STAC: variants seen among roughly 807,000 people sequenced by gnomAD.
STAC encodes SH3 and cysteine-rich domain-containing protein.
Under a neutral mutation model 48.8 loss-of-function variants are expected in STAC, and 43 were observed. That is an observed-to-expected ratio of 0.88 (90% CI 0.69 to 1.14). The LOEUF (loss-of-function observed/expected upper bound fraction) is 1.14, where lower values mean the gene tolerates loss of function less well. STAC is among the 50% of genes most tolerant of loss of function. The probability of loss-of-function intolerance (pLI) is 0.00; values close to 1 mark genes in which losing one functional copy is unlikely to be tolerated. For synonymous variants in STAC, 193 were observed against 179.5 expected, an observed-to-expected ratio of 1.07 and a Z score of -0.60; for missense variants, 497 against 504.0, an observed-to-expected ratio of 0.99 and a Z score of 0.13.
At chr3:36,448,847 G>T (rs1696594372) in intron 2 of STAC, among the ~76,000 whole-genome samples, 1 of 151,592 alleles carries the variant, frequency 6.6e-6, no homozygotes, top group Non-Finnish European at 1.5e-5. Context: ...GAAGGGTAAG[G>T]TAAGAGGATA....
At chr3:36,399,250 G>C (rs1681957654) in intron 1 of STAC, among the ~76,000 whole-genome samples, 1 of 152,192 alleles carries the variant, frequency 6.6e-6, no homozygotes, top group South Asian at 2.1e-4. Flanking sequence ...CAACAGGGAG[G>C]GTCTGGATTG....
At position 36,431,657 on chromosome 3, in the gene STAC, T is replaced by G. The variant is rs1483128430; in HGVS notation, c.112-11707T>G. On this transcript the variant is annotated intron_variant, in intron 1 of 10. Transcript: ENST00000273183. ...AACATCAATGAGCAATGTACTAAAT[T>G]TACTGAAGAATTTGAGGAGGAAAAA... is the stretch of plus-strand genomic sequence containing the variant. 2.0e-5 allele frequency among the ~76,000 whole-genome samples: 3 copies of G among 152,138 alleles called. No individual in the cohort carries two copies. In the East Asian group the frequency reaches 5.8e-4, roughly 29 times the overall value.
Position 36,505,911 on chromosome 3 carries a change from C to A in STAC, c.920+77C>A, listed in dbSNP as rs1052878481. 17 of 932,324 alleles carry A rather than the reference C, an allele frequency of 1.8e-5. No individual in the cohort carries two copies. The African/African-American group carries it at 2.8e-4, about 16-fold the overall frequency. The allele number at this position is 932,324 out of a possible 1,614,324, so 57.8% of individuals were successfully genotyped here. On this transcript the variant is annotated intron_variant, in intron 8 of 10. Coordinates refer to ENST00000273183, the MANE Select transcript of STAC (RefSeq NM_003149.3). ...TCTCCATGTGAAAAAGTAAGTCCAT[C>A]TGTGCCCCTCCTAATGCTTTATAGC...
At chr3:36,440,689 A>C (rs1016717932) in intron 1 of STAC, among the ~76,000 whole-genome samples, 1 of 152,230 alleles carries the variant, frequency 6.6e-6, no homozygotes, top group Admixed American at 6.5e-5. Flanking sequence ...GCAAATTCAC[A>C]TTGCAAAGTG....
intron 1 of STAC, among the ~76,000 whole-genome samples, chr3:36,439,280 G>A (rs1236498469): frequency 6.6e-6 from 1 of 152,146 alleles, no homozygotes; most frequent in Non-Finnish European, 1.5e-5. Context: ...AGGTCGCCTG[G>A]TGAAGCACTT....
chr3:36,431,853 A>G (rs1277164932), intron 1 of STAC, among the ~76,000 whole-genome samples: 2 of 152,098 alleles, frequency 1.3e-5, no homozygotes, highest in African/African-American at 2.4e-5. Context: ...GTCATCTTGT[A>G]GTTCAGATCT....
At chr3:36,387,697 T>C (rs1699647101) in intron 1 of STAC, among the ~76,000 whole-genome samples, 1 of 152,144 alleles carries the variant, frequency 6.6e-6, no homozygotes, top group Non-Finnish European at 1.5e-5. Flanking sequence ...TAATATCCCA[T>C]TGTATATATA....
intron 8 of STAC, among the ~76,000 whole-genome samples, chr3:36,524,141 T>C (rs1410749235): frequency 1.3e-5 from 2 of 152,066 alleles, no homozygotes; most frequent in Non-Finnish European, 2.9e-5. Context: ...AGTACCTGGC[T>C]CTAGAATGGG....
chr3:36,528,458 ACT>A (rs915410206), intron 8 of STAC, among the ~76,000 whole-genome samples: 1 of 147,876 alleles, frequency 6.8e-6, no homozygotes, highest in South Asian at 2.2e-4. Flanking sequence ...ACAGAGCGAG[ACT>A]CTGTTTAAAA....
intron 1 of STAC, among the ~76,000 whole-genome samples, chr3:36,398,367 GAAAA>G (rs1459319560): frequency 1.2e-5 from 1 of 83,542 alleles, no homozygotes; most frequent in African/African-American, 4.5e-5. Flanking sequence ...AAGAAAGAAA[GAAAA>G]GAAAGAGAGA....
At chr3:36,485,092 T>C in intron 4 of STAC, 34 bp downstream of exon 4, 1 of 1,558,350 alleles carries the variant, frequency 6.4e-7, no homozygotes, top group Non-Finnish European at 8.7e-7. Context: ...GAGTTGAGTT[T>C]GAAGCAGCAA....
chr3:36,482,938 TC>T, intron 2 of STAC, 53 bp from the exon 3 acceptor site: 1 of 1,266,854 alleles, frequency 7.9e-7, no homozygotes, highest in Non-Finnish European at 1.1e-6. Flanking sequence ...TTTAGACTAA[TC>T]AGCAGGAAAT....
In STAC at chr3:36,431,276, C is replaced by T. The variant is rs151278943; in HGVS notation, c.112-12088C>T. The stretch of plus-strand genomic sequence containing the variant: ...TAGGGCCCAGCACTCTCTTTGTTCT[C>T]GGGGGAAAACACCAGTGTGGTCCCT... On this transcript the variant is annotated intron_variant, in intron 1 of 10. Coordinates refer to ENST00000273183, the MANE Select transcript of STAC (RefSeq NM_003149.3). 1.9e-3 allele frequency among the ~76,000 whole-genome samples: 287 copies of T among 152,242 alleles called. 1 individual carries two copies. Among genetic ancestry groups the T allele is most frequent in the African/African-American group, 6.4e-3 (266 of 41,534 alleles).
intron 2 of STAC, among the ~76,000 whole-genome samples, chr3:36,459,759 T>C (rs1174398672): frequency 6.6e-6 from 1 of 152,150 alleles, no homozygotes; most frequent in African/African-American, 2.4e-5. Context: ...AAAATCTAGC[T>C]AGAAGGTTTC....
chr3:36,386,419 G>C (rs1262736518), intron 1 of STAC, among the ~76,000 whole-genome samples: 2 of 148,010 alleles, frequency 1.4e-5, no homozygotes, highest in African/African-American at 2.4e-5. Flanking sequence ...AAAAAAAAAG[G>C]CTTACCTTTT....
At chr3:36,390,453 T>C (rs868112994) in intron 1 of STAC, among the ~76,000 whole-genome samples, 1 of 76,728 alleles carries the variant, frequency 1.3e-5, no homozygotes, top group Middle Eastern at 5.7e-3. Flanking sequence ...TTTCTTTTCT[T>C]TTTTTTTTTT....
chr3:36,442,018 G>T (rs1221893616), intron 1 of STAC, among the ~76,000 whole-genome samples: 1 of 152,054 alleles, frequency 6.6e-6, no homozygotes, highest in African/African-American at 2.4e-5. Flanking sequence ...TGCATATTGT[G>T]CAAATACTTT....
intron 6 of STAC, among the ~76,000 whole-genome samples, chr3:36,501,206 A>G (rs1698275371): frequency 6.6e-6 from 1 of 152,202 alleles, no homozygotes; most frequent in African/African-American, 2.4e-5. Context: ...CCAAAGTGCT[A>G]AAGTTGGGAT....
At chr3:36,385,908 G>C (rs1057432801) in intron 1 of STAC, among the ~76,000 whole-genome samples, 7 of 151,978 alleles carry the variant, frequency 4.6e-5, no homozygotes, top group African/African-American at 1.7e-4. Context: ...ATGGACATTT[G>C]GATTGTTTCT....
Sources: gnomAD v4.1 joint callset for allele counts (sites outside exome capture counted in the v4.1 genomes callset) on GRCh38, gnomAD v4.1.1 for gene constraint, MANE v1.5 for transcripts, NCBI Gene and HGNC (gene_info 2026-07-23, HGNC 2026-07-21) for gene names.